PLA2G1B: variants seen among roughly 807,000 people sequenced by gnomAD.
The protein encoded by PLA2G1B is phospholipase A2.
A neutral mutation model predicts 12.5 loss-of-function variants in PLA2G1B; 12 were observed. That is an observed-to-expected ratio of 0.96 (90% CI 0.62 to 1.56). PLA2G1B has a LOEUF of 1.56. Among genes scored for constraint, PLA2G1B ranks in the 40% most tolerant of loss-of-function variants. PLA2G1B has a pLI of 0.00. For synonymous variants in PLA2G1B, 81 were observed against 73.4 expected (o/e 1.10, Z -0.53); for missense variants, 189 against 186.7 (o/e 1.01, Z -0.07).
In PLA2G1B at chr12:120,325,954, A is replaced by T; in HGVS notation, c.101T>A (p.Val34Glu). The change falls in exon 2 of 4, where the codon GTG (valine) becomes GAG (glutamate). Residue 34 changes from valine (V) to glutamate (E), a missense_variant. Val to Glu is a moderately radical substitution (Grantham distance 121, BLOSUM62 -2). Coordinates refer to ENST00000308366, the MANE Select transcript of PLA2G1B (RefSeq NM_000928.3). ...CAAGAAGGGGTCACTCCCCGGGATC[A>T]CGCACTTGATCATTTTGCGGAACTG... ...VWQFRKMIKC[V>E]IPGSDPFLEY... 1 of 1,614,154 alleles carries T rather than the reference A, an allele frequency of 6.2e-7. No individual in the cohort carries two copies. The highest frequency in any genetic ancestry group is 1.1e-5 in the South Asian group (1 of 91,086).
chr12:120,325,696 G>C (rs552106040), intron 2 of PLA2G1B, among the ~76,000 whole-genome samples, 165 bp downstream of exon 2: 2 of 152,300 alleles, frequency 1.3e-5, no homozygotes, highest in East Asian at 3.9e-4. Flanking sequence ...GGGTGCGTTC[G>C]CTACAGGGTC....
intron 1 of PLA2G1B, among the ~76,000 whole-genome samples, chr12:120,326,620 A>C (rs185360128): frequency 9.7e-5 from 12 of 123,944 alleles, no homozygotes; most frequent in East Asian, 9.0e-4. Flanking sequence ...TAATAATAAT[A>C]ATAATCTCTA....
At chr12:120,322,870 G>A (rs918986960) in intron 3 of PLA2G1B, among the ~76,000 whole-genome samples, 1 of 152,176 alleles carries the variant, frequency 6.6e-6, no homozygotes, top group African/African-American at 2.4e-5. Context: ...ACAGGCGTGA[G>A]CCACCATGCC....
Position 120,325,008 on chromosome 12 carries a change from C to T in PLA2G1B, c.248G>A (p.Cys83Tyr), listed in dbSNP as rs1207535244. The change falls in exon 3 of 4, where the codon TGT (cysteine) becomes TAT (tyrosine). Residue 83 changes from cysteine (C) to tyrosine (Y), a missense_variant. Coordinates refer to ENST00000308366, the MANE Select transcript of PLA2G1B (RefSeq NM_000928.3). ...GTACGGGTTGTCCAGCAGAAATTTA[C>T]AGCTGTCCAGCTTCTTGGCCTGGTC... ...CYDQAKKLDSCKFLLDNPYTH... is the reference protein window; with the variant it reads ...CYDQAKKLDSYKFLLDNPYTH... 1 of 1,614,000 alleles carries T rather than the reference C, an allele frequency of 6.2e-7. No homozygotes were observed. Among genetic ancestry groups the T allele is most frequent in the Admixed American group, 1.7e-5 (1 of 59,994 alleles).
intron 3 of PLA2G1B, among the ~76,000 whole-genome samples, chr12:120,323,209 G>A (rs952048209): frequency 3.9e-5 from 6 of 151,928 alleles, no homozygotes; most frequent in African/African-American, 1.5e-4. Flanking sequence ...TATAATTTAC[G>A]TATCTCTGCT....
At chr12:120,322,368 A>G in intron 3 of PLA2G1B, 51 bp from the exon 4 acceptor site, 1 of 1,574,246 alleles carries the variant, frequency 6.4e-7, no homozygotes, top group Non-Finnish European at 8.7e-7. Context: ...CCTGTTTTGT[A>G]CAATCTGGGG....
Position 120,326,009 on chromosome 12 carries a change from C to G in PLA2G1B, c.46G>C (p.Asp16His), listed in dbSNP as rs143788130. 3 of 1,613,738 alleles carry G rather than the reference C, an allele frequency of 1.9e-6. No individual in the cohort carries two copies. In the African/African-American group the frequency reaches 4.0e-5, roughly 22 times the overall value. The stretch of plus-strand genomic sequence containing the variant: ...ACGGCCCGAGGGCTGATGCCGCTGT[C>G]GGCGGCGGCCACTGCAAGAAGACAT... ...LAVLLTVAAA[D>H]SGISPRAVWQ... The change falls in exon 2 of 4, where the codon GAC becomes CAC. Residue 16 changes from aspartate (D) to histidine (H), a missense_variant. Coordinates refer to ENST00000308366, the MANE Select transcript of PLA2G1B (RefSeq NM_000928.3).
chr12:120,324,244 C>G (rs1205926283), intron 3 of PLA2G1B, among the ~76,000 whole-genome samples: 1 of 151,848 alleles, frequency 6.6e-6, no homozygotes, highest in African/African-American at 2.4e-5. Flanking sequence ...ACCCGGGAGG[C>G]AGAGGTTGCA....
At position 120,326,010 on chromosome 12, in the gene PLA2G1B, G is replaced by A. The variant is rs775200513; in HGVS notation, c.45C>T (p.Ala15=). Residue 15 remains alanine, a synonymous_variant, in exon 2 of 4, where the codon GCC becomes GCT. Coordinates refer to ENST00000308366, the MANE Select transcript of PLA2G1B (RefSeq NM_000928.3). ...CGGCCCGAGGGCTGATGCCGCTGTCGGCGGCGGCCACTGCAAGAAGACATA... is the reference window on the plus strand; with the variant it reads ...CGGCCCGAGGGCTGATGCCGCTGTCAGCGGCGGCCACTGCAAGAAGACATA... ...VLAVLLTVAA[A]DSGISPRAVW... is the part of the protein sequence containing the mutation. 14 of 1,613,730 alleles carry A rather than the reference G, an allele frequency of 8.7e-6. No homozygotes were observed. The highest frequency in any genetic ancestry group is 1.7e-5 in the Admixed American group (1 of 59,980).
intron 3 of PLA2G1B, among the ~76,000 whole-genome samples, chr12:120,323,458 G>A (rs1357773514): frequency 6.6e-6 from 1 of 151,882 alleles, no homozygotes; most frequent in African/African-American, 2.4e-5. Flanking sequence ...TAGAGATAGG[G>A]TTTCACCATA....
At chr12:120,326,144 G>A in intron 1 of PLA2G1B, 124 bp from the exon 2 acceptor site, 2 of 872,978 alleles carry the variant, frequency 2.3e-6, no homozygotes, top group Non-Finnish European at 3.5e-6. Context: ...TCTGAAGACC[G>A]TTGGACCCAG....
intron 3 of PLA2G1B, 150 bp downstream of exon 3, chr12:120,324,784 C>A (rs1324045068): frequency 2.6e-6 from 2 of 757,460 alleles, no homozygotes; most frequent in Non-Finnish European, 4.5e-6. Context: ...GATAATTGTA[C>A]CTATCCCATA....
intron 3 of PLA2G1B, among the ~76,000 whole-genome samples, chr12:120,323,577 A>G (rs1039400568): frequency 1.3e-5 from 2 of 151,886 alleles, no homozygotes; most frequent in Non-Finnish European, 2.9e-5. Flanking sequence ...AGTTATTTTT[A>G]ATTAATATGA....
At chr12:120,326,693 G>A (rs904069389) in intron 1 of PLA2G1B, among the ~76,000 whole-genome samples, 1 of 151,538 alleles carries the variant, frequency 6.6e-6, no homozygotes, top group African/African-American at 2.4e-5. Context: ...TGATAAGGCC[G>A]GGCACGGTGG....
chr12:120,322,414 C>T, intron 3 of PLA2G1B, 97 bp from the exon 4 acceptor site: 2 of 1,107,446 alleles, frequency 1.8e-6, no homozygotes, highest in Non-Finnish European at 2.6e-6. Context: ...GGCAGCCATT[C>T]CACTGATGCA....
intron 1 of PLA2G1B, among the ~76,000 whole-genome samples, chr12:120,327,516 C>T (rs1290843827): frequency 6.6e-6 from 1 of 152,140 alleles, no homozygotes; most frequent in Non-Finnish European, 1.5e-5. Context: ...CTCAGGCAAT[C>T]TGAGTTCAGA....
Position 120,325,026 on chromosome 12 carries a change from G to A in PLA2G1B, c.230C>T (p.Ala77Val). ...CQTHDNCYDQ[A>V]KKLDSCKFLL... ...AAATTTACAGCTGTCCAGCTTCTTG[G>A]CCTGGTCATAGCAGTTGTCATGTGT... Residue 77 changes from alanine (A) to valine (V), a missense_variant, in exon 3 of 4, where the codon GCC (alanine) becomes GTC (valine). Physicochemically the swap from Ala to Val is moderately conservative, Grantham distance 64 (BLOSUM62 0). Coordinates refer to ENST00000308366, the MANE Select transcript of PLA2G1B (RefSeq NM_000928.3). The A allele has an allele frequency of 6.2e-7, 1 of 1,613,946 alleles. No individual in the cohort carries two copies. Among genetic ancestry groups the A allele is most frequent in the Non-Finnish European group, 8.5e-7 (1 of 1,179,926 alleles).
intron 2 of PLA2G1B, among the ~76,000 whole-genome samples, chr12:120,325,567 C>T (rs1315562744): frequency 6.6e-6 from 1 of 152,142 alleles, no homozygotes; most frequent in Admixed American, 6.6e-5. Context: ...GCAGTGACAA[C>T]CACTGCTAGA....
intron 1 of PLA2G1B, among the ~76,000 whole-genome samples, chr12:120,327,326 T>TTAAAA (rs1223441867): frequency 6.6e-6 from 1 of 151,556 alleles, no homozygotes; most frequent in East Asian, 1.9e-4. Context: ...AAAATAAAAA[T>TTAAAA]TAAAATAAAA....
Sources: gnomAD v4.1 joint callset for allele counts (sites outside exome capture counted in the v4.1 genomes callset) on GRCh38, gnomAD v4.1.1 for gene constraint, MANE v1.5 for transcripts, NCBI Gene and HGNC (gene_info 2026-07-23, HGNC 2026-07-21) for gene names.